Variants in ACY3 observed in about 807,000 individuals in gnomAD.
ACY3 encodes the protein aminoacylase 3.
Under a neutral mutation model 24.6 loss-of-function variants are expected in ACY3, and 20 were observed. That is an observed-to-expected ratio of 0.81 (90% CI 0.57 to 1.18). ACY3 has a LOEUF of 1.18. ACY3 is among the 50% of genes most tolerant of loss of function. The probability of loss-of-function intolerance (pLI) is 0.00; values close to 1 mark genes in which losing one functional copy is unlikely to be tolerated. For synonymous variants in ACY3, 174 were observed against 188.4 expected (o/e 0.92, Z 0.62); for missense variants, 423 against 426.8 (o/e 0.99, Z 0.08).
chr11:67,646,202 C>T (rs1016422263), intron 3 of ACY3, among the ~76,000 whole-genome samples: 4 of 152,234 alleles, frequency 2.6e-5, no homozygotes, highest in African/African-American at 7.2e-5. Context: ...GTGCTTGGCC[C>T]TCCAGTGGAA....
Position 67,645,267 on chromosome 11 carries a change from C to T in ACY3, c.526+20G>A. On this transcript the variant is annotated intron_variant, in intron 5 of 7. Coordinates refer to ENST00000255082, the MANE Select transcript of ACY3 (RefSeq NM_080658.2). ...CCAGCCCTCCTGGCCCCGCCCACTT[C>T]TCAGAAGGCTGCGGCCCACCCAGTC... is the stretch of plus-strand genomic sequence containing the variant. 1 of 1,613,208 alleles carries T rather than the reference C, an allele frequency of 6.2e-7. No individual in the cohort carries two copies. The highest frequency in any genetic ancestry group is 8.5e-7 in the Non-Finnish European group (1 of 1,179,808).
At chr11:67,647,186 G>C in intron 2 of ACY3, 123 bp from the exon 3 acceptor site, 1 of 661,748 alleles carries the variant, frequency 1.5e-6, no homozygotes, top group Non-Finnish European at 2.5e-6. Flanking sequence ...AGCTGGGAGT[G>C]TCTCAGCTGT....
chr11:67,649,668 A>G (rs531134358), intron 1 of ACY3, among the ~76,000 whole-genome samples: 2 of 140,374 alleles, frequency 1.4e-5, no homozygotes, highest in African/African-American at 5.9e-5. Context: ...ATGTGTGTGC[A>G]TGTGCATGAG....
In ACY3 at chr11:67,646,793, G is replaced by A. The variant is rs1461959525; in HGVS notation, c.236+15C>T. 3.1e-5 allele frequency: 50 copies of A among 1,610,590 alleles called. No individual in the cohort carries two copies. Among genetic ancestry groups the A allele is most frequent in the African/African-American group, 8.0e-5 (6 of 74,918 alleles). ...GCCCAACTGCCTGGGCCAACCTGGCGGCAAAAGCACTCACTTGAGGAAGCT... is the reference window on the plus strand; with the variant it reads ...GCCCAACTGCCTGGGCCAACCTGGCAGCAAAAGCACTCACTTGAGGAAGCT... On this transcript the variant is annotated intron_variant, in intron 3 of 7. Transcript: ENST00000255082.
At chr11:67,645,523 G>A (rs971933346) in intron 4 of ACY3, 143 bp from the exon 5 acceptor site, 5 of 1,231,306 alleles carry the variant, frequency 4.1e-6, no homozygotes, top group Non-Finnish European at 4.5e-6. Context: ...AGGGGAGGGG[G>A]TACCGGGGGC....
rs1855433351 is a variant in ACY3, at chr11:67,642,829, C to T, written c.855G>A (p.Glu285=). The part of the protein sequence containing the change: ...ESTVYPVFIN[E]AAYYEKGVAF... ...CAACGCCCTTCTCATAGTAGGCAGC[C>T]TCGTTAATGAACACGGGGTACACCG... Residue 285 remains glutamate (E), a synonymous_variant, in exon 8 of 8, where the codon GAG becomes GAA. Coordinates refer to ENST00000255082, the MANE Select transcript of ACY3 (RefSeq NM_080658.2). The T allele has an allele frequency of 4.3e-6, 7 of 1,614,008 alleles. No homozygotes were observed. The highest frequency in any genetic ancestry group is 1.1e-5 in the South Asian group (1 of 91,092).
At chr11:67,647,086 G>A in intron 2 of ACY3, 23 bp from the exon 3 acceptor site, 1 of 1,439,608 alleles carries the variant, frequency 6.9e-7, no homozygotes, top group Non-Finnish European at 9.2e-7. Flanking sequence ...ATACTTAGGA[G>A]ACCCTGGCCC....
intron 1 of ACY3, among the ~76,000 whole-genome samples, chr11:67,649,972 G>A (rs1487637614): frequency 6.6e-6 from 1 of 152,214 alleles, no homozygotes; most frequent in African/African-American, 2.4e-5. Flanking sequence ...ACCTGGCTCT[G>A]GCCCCACCTC....
chr11:67,650,412 C>G (rs4520603), intron 1 of ACY3, among the ~76,000 whole-genome samples, 171 bp downstream of exon 1: 10,867 of 152,252 alleles, frequency 0.071, 487 homozygotes, highest in Non-Finnish European at 0.1. Flanking sequence ...GAAATAAAAT[C>G]CCCTATTAAA....
chr11:67,642,645 G>T lies in ACY3; in HGVS notation c.*79C>A. 1.4e-6 allele frequency: 2 copies of T among 1,473,038 alleles called. No homozygotes were observed. Among genetic ancestry groups the T allele is most frequent in the Non-Finnish European group, 9.5e-7 (1 of 1,053,460 alleles). 91.2% of individuals were successfully genotyped at this position (1,473,038 alleles called of 1,614,324 possible). ...ACATGGTGCATGGTAGGTGGCAGAA[G>T]GGACCTCTGTGCTCAGAGCTGTGCC... On this transcript the variant is annotated 3_prime_UTR_variant, in exon 8 of 8. Transcript: ENST00000255082.
At position 67,647,919 on chromosome 11, in the gene ACY3, C is replaced by T. The variant is rs1393303948; in HGVS notation, c.-94-330G>A. Among the ~76,000 whole-genome samples, 4 of 152,166 alleles carry T rather than the reference C, an allele frequency of 2.6e-5. No individual in the cohort carries two copies. The East Asian group carries it at 7.7e-4, about 29-fold the overall frequency. On this transcript the variant is annotated intron_variant, in intron 1 of 7. Coordinates refer to ENST00000255082, the MANE Select transcript of ACY3 (RefSeq NM_080658.2). ...ATTGAAAGTTACTATAGAGGTGTCACCTTGATGGCCACCAAGATGACAAGC... is the reference window on the plus strand; with the variant it reads ...ATTGAAAGTTACTATAGAGGTGTCATCTTGATGGCCACCAAGATGACAAGC...
rs575746800 is a variant in ACY3, at chr11:67,645,959, G to A, written c.237-72C>T. On this transcript the variant is annotated intron_variant, in intron 3 of 7. Transcript: ENST00000255082. The stretch of plus-strand genomic sequence containing the variant: ...GTCTTCAGTGGTTTAAGGGGAAAGG[G>A]GCAGGGGCCCTGCAGGAGCCACTCT... 33 of 1,462,130 alleles carry A rather than the reference G, an allele frequency of 2.3e-5. No homozygotes were observed. In the Middle Eastern group the frequency reaches 5.5e-4, roughly 24 times the overall value. 90.6% of individuals were successfully genotyped at this position (1,462,130 alleles called of 1,614,324 possible). A position where few individuals can be genotyped will look rare whatever the true frequency, so the allele number is the denominator to read the frequency against.
At chr11:67,650,160 G>C (rs1328524060) in intron 1 of ACY3, among the ~76,000 whole-genome samples, 1 of 152,118 alleles carries the variant, frequency 6.6e-6, no homozygotes, top group Non-Finnish European at 1.5e-5. Flanking sequence ...TGATGTCATG[G>C]GCATCATCAC....
Position 67,645,903 on chromosome 11 carries a change from TG to T in ACY3, c.237-17del. 1 of 1,573,336 alleles carries T rather than the reference TG, an allele frequency of 6.4e-7. No homozygotes were observed. The highest frequency in any genetic ancestry group is 8.6e-7 in the Non-Finnish European group (1 of 1,158,638). ...GGGCCTGGAACTGTGGAGACGGGAA[TG>T]GGGGACACCGATCTTCACAGTCTCA... On this transcript the variant is annotated splice_polypyrimidine_tract_variant and intron_variant, in intron 3 of 7. Coordinates refer to ENST00000255082, the MANE Select transcript of ACY3 (RefSeq NM_080658.2).
intron 3 of ACY3, 107 bp downstream of exon 3, chr11:67,646,701 A>G: frequency 9.6e-7 from 1 of 1,044,118 alleles, no homozygotes; most frequent in Non-Finnish European, 1.4e-6. Context: ...GGCAGAGGGG[A>G]AGCAGGAGTG....
chr11:67,644,981 C>G (rs1855482980), intron 6 of ACY3, 64 bp downstream of exon 6: 3 of 1,591,114 alleles, frequency 1.9e-6, no homozygotes, highest in Non-Finnish European at 2.6e-6. Context: ...GCCTGGCTCC[C>G]CAACCCCTGA....
Position 67,644,811 on chromosome 11 carries a change from G to T in ACY3, c.693C>A (p.Phe231Leu). 1 of 1,573,320 alleles carries T rather than the reference G, an allele frequency of 6.4e-7. No individual in the cohort carries two copies. Among genetic ancestry groups the T allele is most frequent in the East Asian group, 2.4e-5 (1 of 42,418 alleles). ...CCAGGTGCCCGGCCTCGGTGCGGGG[G>T]AAGTCCACGACGCCCACGGGTCTAT... ...EAYRPVGVVDFPRTEAGHLAG... is the reference protein window; with the variant it reads ...EAYRPVGVVDLPRTEAGHLAG... Residue 231 changes from phenylalanine (F) to leucine (L), a missense_variant, in exon 7 of 8, where the codon TTC (phenylalanine) becomes TTA (leucine). By Grantham distance (22) the Phe-to-Leu change is conservative. Transcript: ENST00000255082.
rs1376365622 is a variant in ACY3 at position 67,650,691 on chromosome 11, T to G, written c.-203A>C. On this transcript the variant is annotated 5_prime_UTR_variant, in exon 1 of 8. Coordinates refer to ENST00000255082, the MANE Select transcript of ACY3 (RefSeq NM_080658.2). ...CCCCGAAACAGCGGAAGCAGCTGCCTGGAGCTTTTGTTCTGTGCTGCTCCT... is the reference window on the plus strand; with the variant it reads ...CCCCGAAACAGCGGAAGCAGCTGCCGGGAGCTTTTGTTCTGTGCTGCTCCT... 1 of 152,240 alleles carries G rather than the reference T, an allele frequency of 6.6e-6. No individual in the cohort carries two copies. The highest frequency in any genetic ancestry group is 1.5e-5 in the Non-Finnish European group (1 of 68,062). 9.4% of individuals were successfully genotyped at this position (152,240 alleles called of 1,614,324 possible). A position where few individuals can be genotyped will look rare whatever the true frequency, so the allele number is the denominator to read the frequency against.
chr11:67,646,832 C>A lies in ACY3; in HGVS notation c.212G>T (p.Arg71Leu), dbSNP rs767503729. The change falls in exon 3 of 8, where the codon CGC becomes CTC. Residue 71 changes from arginine to leucine, a missense_variant. Transcript: ENST00000255082. Reference protein sequence around the residue: ...CRRYVDHDLNRTFTSSFLNSR... With the variant: ...CRRYVDHDLNLTFTSSFLNSR... Reference sequence around the variant, plus strand: ...CTTGAGGAAGCTGCTGGTGAAGGTGCGGTTGAGGTCATGGTCCACGTAGCG... The same window carrying A: ...CTTGAGGAAGCTGCTGGTGAAGGTGAGGTTGAGGTCATGGTCCACGTAGCG... 3 of 1,612,926 alleles carry A rather than the reference C, an allele frequency of 1.9e-6. No homozygotes were observed. The highest frequency in any genetic ancestry group is 2.5e-6 in the Non-Finnish European group (3 of 1,179,898).
Sources: gnomAD v4.1 joint callset for allele counts (sites outside exome capture counted in the v4.1 genomes callset) on GRCh38, gnomAD v4.1.1 for gene constraint, MANE v1.5 for transcripts, NCBI Gene and HGNC (gene_info 2026-07-23, HGNC 2026-07-21) for gene names.